The following TIA1 variants were observed in gnomAD, a reference collection of about 807,000 sequenced individuals.
TIA1 encodes the protein TIA1 cytotoxic granule associated RNA binding protein.
TIA1 carries 23 observed loss-of-function variants against 65.9 expected under a neutral mutation model. The observed-to-expected ratio is 0.35, with a 90% CI of 0.25 to 0.49. The LOEUF (loss-of-function observed/expected upper bound fraction) is 0.49, where lower values mean the gene tolerates loss of function less well. Ranked by LOEUF, TIA1 falls within the 20% of genes least tolerant of loss-of-function variation. The pLI, the probability that TIA1 is intolerant of heterozygous loss-of-function variation, is 0.98. For missense variants in TIA1, 371 were observed against 477.9 expected (o/e 0.78, Z 2.09); for synonymous variants, 147 against 149.4 (o/e 0.98, Z 0.12).
rs1256866025 is a variant in TIA1 at position 70,212,429 on chromosome 2, CT to C, written c.*289del. 3.7e-6 allele frequency: 1 copy of C among 273,036 alleles called. No individual in the cohort carries two copies. Among genetic ancestry groups the C allele is most frequent in the Non-Finnish European group, 7.3e-6 (1 of 137,424 alleles). 16.9% of individuals were successfully genotyped at this position (273,036 alleles called of 1,614,324 possible). On this transcript the variant is annotated 3_prime_UTR_variant, in exon 13 of 13. Coordinates refer to ENST00000433529, the MANE Select transcript of TIA1 (RefSeq NM_022173.4). ...TTCAATATTGTGCAATTTTCTGCCT[CT>C]TAATAGTTAAAAAGTGGCAGCAATC...
intron 5 of TIA1, 163 bp downstream of exon 5, chr2:70,228,896 T>A: frequency 3.4e-6 from 5 of 1,461,774 alleles, no homozygotes; most frequent in Non-Finnish European, 4.5e-6. Flanking sequence ...GGACAAGTTA[T>A]ACTTGGTCAA....
intron 1 of TIA1, among the ~76,000 whole-genome samples, chr2:70,246,759 G>A (rs1558991277): frequency 6.6e-6 from 1 of 152,000 alleles, no homozygotes; most frequent in Admixed American, 6.6e-5. Context: ...GGTGGTGCCC[G>A]CATGTAGTGC....
chr2:70,230,689 G>T, intron 3 of TIA1, 67 bp downstream of exon 3: 4 of 1,220,932 alleles, frequency 3.3e-6, no homozygotes, highest in South Asian at 2.9e-5. Flanking sequence ...TTCTAAAAAG[G>T]AAACAAAATC....
At position 70,217,404 on chromosome 2, in the gene TIA1, CTTTTTT is replaced by C. The variant is rs138387625; in HGVS notation, c.475-416_475-411del. On this transcript the variant is annotated intron_variant, in intron 7 of 12. Transcript: ENST00000433529. ...CCAGGCTGGTCTCGAACTTCTTCTTCTTTTTTTTTTCTTTTTTAAGTCTCGCTCTGT... is the reference window on the plus strand; with the variant it reads ...CCAGGCTGGTCTCGAACTTCTTCTTCTTTTCTTTTTTAAGTCTCGCTCTGT... 2.8e-4 allele frequency among the ~76,000 whole-genome samples: 42 copies of C among 147,582 alleles called. No individual in the cohort carries two copies. In the East Asian group the frequency reaches 5.6e-3, roughly 20 times the overall value.
intron 7 of TIA1, among the ~76,000 whole-genome samples, chr2:70,219,370 G>A (rs2104049121): frequency 6.6e-6 from 1 of 152,324 alleles, no homozygotes; most frequent in Admixed American, 6.5e-5. Context: ...AACCAGCTTA[G>A]AGTAGACTAA....
chr2:70,235,879 G>A (rs568175845), intron 2 of TIA1, among the ~76,000 whole-genome samples, 200 bp downstream of exon 2: 1 of 152,198 alleles, frequency 6.6e-6, no homozygotes, highest in South Asian at 2.1e-4. Context: ...AAATTCAGCT[G>A]TCAAAACAGG....
At position 70,236,098 on chromosome 2, in the gene TIA1, T is replaced by G; in HGVS notation, c.104A>C (p.Asn35Thr). The change falls in exon 2 of 13, where the codon AAC (asparagine) becomes ACC (threonine). Residue 35 changes from asparagine to threonine, a missense_variant. Physicochemically the swap from Asn to Thr is moderately conservative, Grantham distance 65. Coordinates refer to ENST00000433529, the MANE Select transcript of TIA1 (RefSeq NM_022173.4). ...CCTTACATCCATAATCATTTTGCAG[T>G]TTTTACAAGGTCCAATCTGGCTAAA... Reference protein sequence around the residue: ...QLFSQIGPCKNCKMIMDTAGN... With the variant: ...QLFSQIGPCKTCKMIMDTAGN... The G allele has an allele frequency of 6.2e-7, 1 of 1,606,202 alleles. No homozygotes were observed. Among genetic ancestry groups the G allele is most frequent in the Non-Finnish European group, 8.5e-7 (1 of 1,176,320 alleles).
chr2:70,216,811 A>G (rs1465692944), intron 8 of TIA1, 75 bp downstream of exon 8: 1 of 1,610,744 alleles, frequency 6.2e-7, no homozygotes, highest in Non-Finnish European at 8.5e-7. Flanking sequence ...GTCTCCGGGA[A>G]CAGCTCTAAC....
rs763872223 is a variant in TIA1 at position 70,236,190 on chromosome 2, G to C, written c.27-15C>G. 4 of 1,492,532 alleles carry C rather than the reference G, an allele frequency of 2.7e-6. No homozygotes were observed. In the East Asian group the frequency reaches 6.8e-5, roughly 25 times the overall value. The allele number at this position is 1,492,532 out of a possible 1,614,324, so 92.5% of individuals were successfully genotyped here. On this transcript the variant is annotated splice_polypyrimidine_tract_variant and intron_variant, in intron 1 of 12. Transcript: ENST00000433529. ...TACCGACGTATCTGAAACACAAAGA[G>C]AAACAATTTACCTTTTTTTTTTTTT...
chr2:70,213,513 T>C (rs1677211055), intron 12 of TIA1, among the ~76,000 whole-genome samples: 1 of 151,666 alleles, frequency 6.6e-6, no homozygotes, highest in Non-Finnish European at 1.5e-5. Context: ...GCCTGGCTAA[T>C]TTTTTTTGTA....
At chr2:70,220,544 G>T (rs918602628) in intron 7 of TIA1, among the ~76,000 whole-genome samples, 1 of 152,180 alleles carries the variant, frequency 6.6e-6, no homozygotes, top group Non-Finnish European at 1.5e-5. Flanking sequence ...AAGCTTGGAA[G>T]AAGCAACAAA....
intron 6 of TIA1, chr2:70,224,902 G>A: frequency 2.6e-6 from 3 of 1,163,404 alleles, no homozygotes; most frequent in South Asian, 5.6e-5. Flanking sequence ...TAAATATTAA[G>A]CATGGTGAAA....
At chr2:70,213,035 T>C (rs533119744) in intron 12 of TIA1, among the ~76,000 whole-genome samples, 190 bp from the exon 13 acceptor site, 2 of 152,344 alleles carry the variant, frequency 1.3e-5, no homozygotes, top group Admixed American at 6.5e-5. Flanking sequence ...AAAACAAGCA[T>C]CCCTGTATGT....
rs1676547968 is a variant in TIA1 at position 70,211,771 on chromosome 2, A to C, written c.*948T>G. 6.6e-6 allele frequency: 1 copy of C among 152,652 alleles called. No homozygotes were observed. The highest frequency in any genetic ancestry group is 2.4e-5 in the African/African-American group (1 of 41,454). The allele number at this position is 152,652 out of a possible 1,614,324, so 9.5% of individuals were successfully genotyped here. ...CATGTCAACTCTGCATGATGCCTTG[A>C]AGGAAATGACATACAAAGTTTGCTA... On this transcript the variant is annotated 3_prime_UTR_variant, in exon 13 of 13. Transcript: ENST00000433529.
chr2:70,216,359 C>T lies in TIA1; in HGVS notation c.679+45G>A, dbSNP rs747867296. 4 of 1,590,438 alleles carry T rather than the reference C, an allele frequency of 2.5e-6. No individual in the cohort carries two copies. In the African/African-American group the frequency reaches 4.1e-5, roughly 16 times the overall value. The stretch of plus-strand genomic sequence containing the variant: ...ATATAAAAATCCTACAAATATTAAG[C>T]TTTGCACTTTAAAAATTAATGCCAC... On this transcript the variant is annotated intron_variant, in intron 9 of 12. Transcript: ENST00000433529.
In TIA1 at chr2:70,214,343, G is replaced by A. The variant is rs1312479214; in HGVS notation, c.1034+6C>T. On this transcript the variant is annotated splice_donor_region_variant and intron_variant, in intron 12 of 12. Coordinates refer to ENST00000433529, the MANE Select transcript of TIA1 (RefSeq NM_022173.4). ...GTTAGTAAAGGAAGACATAAGATAT[G>A]CTTACTTAAATCCTTGCTGGTTCCA... The A allele has an allele frequency of 6.2e-7, 1 of 1,605,756 alleles. No homozygotes were observed. The highest frequency in any genetic ancestry group is 1.3e-5 in the African/African-American group (1 of 74,444).
chr2:70,243,299 T>C (rs1161781413), intron 1 of TIA1, among the ~76,000 whole-genome samples: 1 of 152,118 alleles, frequency 6.6e-6, no homozygotes, highest in African/African-American at 2.4e-5. Flanking sequence ...TGGTGGCACA[T>C]GCCTATAGTC....
At chr2:70,240,733 G>C (rs1691279739) in intron 1 of TIA1, among the ~76,000 whole-genome samples, 1 of 152,144 alleles carries the variant, frequency 6.6e-6, no homozygotes, top group African/African-American at 2.4e-5. Flanking sequence ...TCAGCCAGGT[G>C]TGGTGGCGCA....
chr2:70,211,019 T>C lies in TIA1; in HGVS notation c.*1700A>G, dbSNP rs1676348715. ...GGCTTAGAGACCAGCTTGGAGTCAT[T>C]TGCCCCTACCCGGGAAATGCAGGCC... On this transcript the variant is annotated 3_prime_UTR_variant, in exon 13 of 13. Coordinates refer to ENST00000433529, the MANE Select transcript of TIA1 (RefSeq NM_022173.4). The C allele has an allele frequency of 1.3e-5, 2 of 152,284 alleles. No homozygotes were observed. Among genetic ancestry groups the C allele is most frequent in the South Asian group, 2.1e-4 (1 of 4,832 alleles). 9.4% of individuals were successfully genotyped at this position (152,284 alleles called of 1,614,324 possible).
Sources: allele counts gnomAD v4.1 joint callset (sites outside exome capture counted in the v4.1 genomes callset), GRCh38; gene constraint gnomAD v4.1.1; transcripts MANE v1.5; gene names NCBI Gene and HGNC (gene_info 2026-07-23, HGNC 2026-07-21).